Variants in FHAD1 observed in about 807,000 individuals in gnomAD.
The protein encoded by FHAD1 is forkhead associated phosphopeptide binding domain 1, also known as forkhead-associated domain-containing protein 1.
FHAD1 carries 146 observed loss-of-function variants against 191.3 expected under a neutral mutation model. That is an observed-to-expected ratio of 0.76 (90% CI 0.67 to 0.88). The LOEUF is 0.88. Among genes scored for constraint, FHAD1 ranks in the 40% least tolerant of loss-of-function variants. The pLI is 0.00. For missense variants in FHAD1, 1,635 were observed against 1,785.8 expected, an observed-to-expected ratio of 0.92 and a Z score of 1.52; for synonymous variants, 616 against 672.3, an observed-to-expected ratio of 0.92 and a Z score of 1.29.
At position 15,374,609 on chromosome 1, in the gene FHAD1, A is replaced by C. The variant is rs747277813; in HGVS notation, c.3555A>C (p.Glu1185Asp). The stretch of plus-strand genomic sequence containing the variant: ...CTGAACTTCGAGCGCGAATTAAAGA[A>C]CTCGAGAAGGCGCGCTCACCAGGTA... ...ALSELRARIK[E>D]LEKARSPDHK... Residue 1185 changes from glutamate (E) to aspartate (D), a missense_variant, in exon 27 of 34, where the codon GAA becomes GAC. By Grantham distance (45) the Glu-to-Asp change is conservative. Coordinates refer to ENST00000688493, the MANE Select transcript of FHAD1 (RefSeq NM_001391957.1). 2 of 1,551,444 alleles carry C rather than the reference A, an allele frequency of 1.3e-6. No homozygotes were observed. The highest frequency in any genetic ancestry group is 1.7e-4 in the Middle Eastern group (1 of 5,958).
At chr1:15,256,962 C>T (rs1231957575) in intron 2 of FHAD1, among the ~76,000 whole-genome samples, 1 of 152,204 alleles carries the variant, frequency 6.6e-6, no homozygotes, top group Non-Finnish European at 1.5e-5. Context: ...CATATGGGAT[C>T]AGAGGGTCAG....
intron 28 of FHAD1, among the ~76,000 whole-genome samples, chr1:15,379,502 T>C (rs1274270199): frequency 6.6e-6 from 1 of 152,202 alleles, no homozygotes; most frequent in African/African-American, 2.4e-5. Context: ...GATGCCTTCC[T>C]GTTGTCTCAA....
At chr1:15,391,555 A>G (rs964559041) in intron 33 of FHAD1, among the ~76,000 whole-genome samples, 1 of 152,240 alleles carries the variant, frequency 6.6e-6, no homozygotes, top group African/African-American at 2.4e-5. Context: ...CCATTCACAA[A>G]TCAGCCCTGG....
chr1:15,381,970 T>G lies in FHAD1; in HGVS notation c.4023-58T>G. The G allele has an allele frequency of 6.5e-7, 1 of 1,529,832 alleles. No individual in the cohort carries two copies. The highest frequency in any genetic ancestry group is 1.2e-5 in the South Asian group (1 of 82,096). 94.8% of individuals were successfully genotyped at this position (1,529,832 alleles called of 1,614,324 possible). ...TTGAGAGACTTCCGGGTCTGGCACATTGATGATGATTGGGAAAGATAAGGG... is the reference window on the plus strand; with the variant it reads ...TTGAGAGACTTCCGGGTCTGGCACAGTGATGATGATTGGGAAAGATAAGGG... On this transcript the variant is annotated intron_variant, in intron 30 of 33. Transcript: ENST00000688493. This position sits in a 1 kb window ranked among gnomAD's most constrained non-coding sequence, Gnocchi z 4.6.
chr1:15,279,712 G>A (rs953186851), intron 3 of FHAD1, among the ~76,000 whole-genome samples: 1 of 152,022 alleles, frequency 6.6e-6, no homozygotes, highest in African/African-American at 2.4e-5. Context: ...CATTGGCTTC[G>A]TTTGGATCAC....
chr1:15,382,153 G>C lies in FHAD1; in HGVS notation c.4148G>C (p.Cys1383Ser). ...CTGGAGCGCATGGAGCACCAGCTGTGCCAGGAGAAGAGGATCAACAGGGCC... is the reference window on the plus strand; with the variant it reads ...CTGGAGCGCATGGAGCACCAGCTGTCCCAGGAGAAGAGGATCAACAGGGCC... Reference protein sequence around the residue: ...EALERMEHQLCQEKRINRAIR... With the variant: ...EALERMEHQLSQEKRINRAIR... The change falls in exon 31 of 34, where the codon TGC becomes TCC. Residue 1383 changes from cysteine (C) to serine (S), a missense_variant. Cys to Ser is a moderately radical substitution (Grantham distance 112). Transcript: ENST00000688493. 3.9e-6 allele frequency: 6 copies of C among 1,551,968 alleles called. No homozygotes were observed. The highest frequency in any genetic ancestry group is 4.4e-6 in the Non-Finnish European group (5 of 1,147,100).
Position 15,340,106 on chromosome 1 carries a change from G to A in FHAD1, c.1977+555G>A, listed in dbSNP as rs201872325. Among the ~76,000 whole-genome samples, 5 of 152,196 alleles carry A rather than the reference G, an allele frequency of 3.3e-5. No individual in the cohort carries two copies. In the East Asian group the frequency reaches 5.8e-4, roughly 18 times the overall value. On this transcript the variant is annotated intron_variant, in intron 15 of 33. Coordinates refer to ENST00000688493, the MANE Select transcript of FHAD1 (RefSeq NM_001391957.1). Reference sequence around the variant, plus strand: ...TTCCCAAAGTGCTGGGATTACAGGCGTGAGCCACTGCACCAGCCTTAATGC... The same window carrying A: ...TTCCCAAAGTGCTGGGATTACAGGCATGAGCCACTGCACCAGCCTTAATGC...
chr1:15,240,418 C>T (rs1645211728), intron 1 of FHAD1, among the ~76,000 whole-genome samples: 1 of 151,574 alleles, frequency 6.6e-6, no homozygotes, highest in Non-Finnish European at 1.5e-5. Flanking sequence ...CGCTTGAGCC[C>T]GGGAGTTCAA....
At chr1:15,356,857 G>A (rs928424157) in intron 20 of FHAD1, among the ~76,000 whole-genome samples, 5 of 143,914 alleles carry the variant, frequency 3.5e-5, no homozygotes, top group Non-Finnish European at 7.5e-5. Flanking sequence ...GGGCAACAGA[G>A]CAAGACTCCA....
Position 15,301,400 on chromosome 1 carries a change from A to G in FHAD1, c.874A>G (p.Ile292Val), listed in dbSNP as rs775148844. The G allele has an allele frequency of 6.4e-7, 1 of 1,551,834 alleles. No homozygotes were observed. Among genetic ancestry groups the G allele is most frequent in the South Asian group, 1.2e-5 (1 of 84,056 alleles). ...GAAGTGTCAGGTTCTGGATGAAGAC[A>G]TCGATGCCAAACAGAAAGAGATCCA... ...SQKCQVLDEDIDAKQKEIQSL... is the reference protein window; with the variant it reads ...SQKCQVLDEDVDAKQKEIQSL... Residue 292 changes from isoleucine to valine, a missense_variant, in exon 6 of 34, where the codon ATC becomes GTC. Coordinates refer to ENST00000688493, the MANE Select transcript of FHAD1 (RefSeq NM_001391957.1).
chr1:15,312,381 C>CT lies in FHAD1; in HGVS notation c.1040-675dup, dbSNP rs145817453. 2.1e-3 allele frequency among the ~76,000 whole-genome samples: 314 copies of CT among 152,252 alleles called. No homozygotes were observed. Among genetic ancestry groups the CT allele is most frequent in the African/African-American group, 7.1e-3 (294 of 41,536 alleles). Reference sequence around the variant, plus strand: ...AACTTCTTCAGACCACTAAGCTAGGCTGGGCATTGTGGCTCACATCTGTAA... The same window carrying CT: ...AACTTCTTCAGACCACTAAGCTAGGCTTGGGCATTGTGGCTCACATCTGTAA... On this transcript the variant is annotated intron_variant, in intron 7 of 33. Transcript: ENST00000688493. This position sits in a 1 kb window ranked among gnomAD's most constrained non-coding sequence, Gnocchi z 4.7.
At chr1:15,364,508 G>A (rs1216213562) in intron 23 of FHAD1, among the ~76,000 whole-genome samples, 5 of 152,194 alleles carry the variant, frequency 3.3e-5, no homozygotes, top group African/African-American at 9.7e-5. Flanking sequence ...TACTTGGGAG[G>A]CTGAGGCAGG....
intron 28 of FHAD1, among the ~76,000 whole-genome samples, chr1:15,377,921 G>A (rs1700029121): frequency 6.6e-6 from 1 of 152,232 alleles, no homozygotes; most frequent in African/African-American, 2.4e-5. Flanking sequence ...CAGGCATTGA[G>A]CAGAGCCCTT....
downstream of FHAD1, among the ~76,000 whole-genome samples, chr1:15,398,440 C>T (rs952683917): frequency 7.2e-5 from 11 of 152,188 alleles, no homozygotes; most frequent in African/African-American, 2.7e-4. Context: ...TATTAGATTC[C>T]CCATTTGACA....
intron 20 of FHAD1, among the ~76,000 whole-genome samples, chr1:15,357,003 T>G (rs1161943089): frequency 6.6e-6 from 1 of 152,196 alleles, no homozygotes; most frequent in Non-Finnish European, 1.5e-5. Flanking sequence ...TGGGGTGGTT[T>G]CTCACTCTTC....
At chr1:15,319,722 C>A (rs1440664061) in intron 10 of FHAD1, among the ~76,000 whole-genome samples, 1 of 152,120 alleles carries the variant, frequency 6.6e-6, no homozygotes. Context: ...ACAGACAGAC[C>A]TGTGATTGGT....
chr1:15,252,462 C>T (rs58922551), intron 2 of FHAD1, among the ~76,000 whole-genome samples: 142 of 152,288 alleles, frequency 9.3e-4, no homozygotes, highest in African/African-American at 3.3e-3. Flanking sequence ...GGCAACAGTA[C>T]GTTGACATAG....
In FHAD1 at chr1:15,380,711, G is replaced by A. The variant is rs1570485301; in HGVS notation, c.3716G>A (p.Gly1239Asp). 1.3e-6 allele frequency: 2 copies of A among 1,551,636 alleles called. No homozygotes were observed. Among genetic ancestry groups the A allele is most frequent in the South Asian group, 1.2e-5 (1 of 84,054 alleles). ...TCTTTCTGATTTCAGCCTCAGAATG[G>A]CCTTTGCAACGCAAGGTTCGGCTCA... The part of the protein sequence containing the change: ...SRIEILAPQN[G>D]LCNARFGSAM... Residue 1239 changes from glycine (G) to aspartate (D), a missense_variant, in exon 29 of 34, where the codon GGC (glycine) becomes GAC (aspartate). Physicochemically the swap from Gly to Asp is moderately conservative, Grantham distance 94. Coordinates refer to ENST00000688493, the MANE Select transcript of FHAD1 (RefSeq NM_001391957.1).
intron 1 of FHAD1, among the ~76,000 whole-genome samples, chr1:15,250,529 A>G (rs145527618): frequency 0.021 from 3,177 of 152,326 alleles, 114 homozygotes; most frequent in African/African-American, 0.07. Flanking sequence ...TGGGGGGAAT[A>G]CTGTGCAGGG....
Sources: gnomAD v4.1 joint callset for allele counts (sites outside exome capture counted in the v4.1 genomes callset) on GRCh38, gnomAD v4.1.1 for gene constraint, Gnocchi (gnomAD v3.1) non-coding constraint, MANE v1.5 for transcripts, NCBI Gene and HGNC (gene_info 2026-07-23, HGNC 2026-07-21) for gene names.